The following NUP93 variants were observed in gnomAD, a reference collection of about 807,000 sequenced individuals.
The protein encoded by NUP93 is nucleoporin 93.
In NUP93, 55 loss-of-function variants were observed where a neutral mutation model predicts 107.8. The ratio of observed to expected loss-of-function variants is 0.51; its 90% CI spans 0.41 to 0.64. The LOEUF (loss-of-function observed/expected upper bound fraction) is 0.64, where lower values mean the gene tolerates loss of function less well. Among genes scored for constraint, NUP93 ranks in the 30% least tolerant of loss-of-function variants. The pLI is 0.00. For synonymous variants in NUP93, 390 were observed against 397.5 expected, an observed-to-expected ratio of 0.98 and a Z score of 0.22; for missense variants, 937 against 1,044.7, an observed-to-expected ratio of 0.90 and a Z score of 1.42.
At chr16:56,837,499 A>G in intron 17 of NUP93, 109 bp from the exon 18 acceptor site, 1 of 861,988 alleles carries the variant, frequency 1.2e-6, no homozygotes, top group Non-Finnish European at 1.8e-6. Flanking sequence ...GGAGGCGGTA[A>G]AAAATGTCAC....
At chr16:56,809,995 G>A (rs1243734891) in intron 5 of NUP93, among the ~76,000 whole-genome samples, 1 of 152,138 alleles carries the variant, frequency 6.6e-6, no homozygotes. Flanking sequence ...TTTTAAAATG[G>A]TGTTAATAGG....
intron 5 of NUP93, among the ~76,000 whole-genome samples, chr16:56,817,284 C>G (rs967361401): frequency 1.3e-3 from 199 of 152,228 alleles, no homozygotes; most frequent in African/African-American, 4.7e-3. Context: ...CTTGACACTC[C>G]AGTGTTCATT....
intron 2 of NUP93, among the ~76,000 whole-genome samples, chr16:56,751,701 T>C (rs932950432): frequency 6.6e-6 from 1 of 152,160 alleles, no homozygotes; most frequent in African/African-American, 2.4e-5. Flanking sequence ...AGGTGAGACT[T>C]GAACCCAGGC....
At chr16:56,818,180 C>G (rs1404747230) in intron 5 of NUP93, among the ~76,000 whole-genome samples, 2 of 152,172 alleles carry the variant, frequency 1.3e-5, no homozygotes, top group Admixed American at 6.5e-5. Context: ...AAGTAATCAG[C>G]AGCTGTTGTC....
intron 3 of NUP93, among the ~76,000 whole-genome samples, chr16:56,763,497 T>G (rs1175038861): frequency 2.0e-5 from 3 of 147,760 alleles, no homozygotes; most frequent in African/African-American, 7.4e-5. Context: ...TGTGTGTGTG[T>G]GGGTGGGTGT....
rs1250242548 is a variant in NUP93, at chr16:56,818,556, A to T, written c.490-108A>T. The T allele has an allele frequency of 2.2e-5, 19 of 881,166 alleles. No individual in the cohort carries two copies. The Admixed American group carries it at 3.4e-4, about 16-fold the overall frequency. The allele number at this position is 881,166 out of a possible 1,614,324, so 54.6% of individuals were successfully genotyped here. A position where few individuals can be genotyped will look rare whatever the true frequency, so the allele number is the denominator to read the frequency against. ...TGAGGAATTCTTAACTAGGAAACAGACTTTTCACAGCTCTGTTAAAGACAA... is the reference window on the plus strand; with the variant it reads ...TGAGGAATTCTTAACTAGGAAACAGTCTTTTCACAGCTCTGTTAAAGACAA... On this transcript the variant is annotated intron_variant, in intron 5 of 21. Transcript: ENST00000308159.
intron 6 of NUP93, among the ~76,000 whole-genome samples, chr16:56,819,842 C>T (rs541318652): frequency 2.7e-4 from 41 of 152,290 alleles, no homozygotes; most frequent in Admixed American, 1.3e-4. Flanking sequence ...GGTGCCATTG[C>T]CACGTCAGAC....
intron 1 of NUP93, among the ~76,000 whole-genome samples, chr16:56,743,791 C>T (rs1186908029): frequency 6.6e-6 from 1 of 152,200 alleles, no homozygotes; most frequent in African/African-American, 2.4e-5. Flanking sequence ...TGCCTTCTAA[C>T]AGCAGTGATA....
At chr16:56,779,523 C>T (rs1189119116) in intron 3 of NUP93, among the ~76,000 whole-genome samples, 6 of 152,180 alleles carry the variant, frequency 3.9e-5, no homozygotes, top group African/African-American at 7.2e-5. Context: ...TAGAGAAGCA[C>T]CTCCTTTGTA....
intron 1 of NUP93, among the ~76,000 whole-genome samples, chr16:56,733,612 G>T (rs1280443435): frequency 6.6e-5 from 10 of 152,122 alleles, no homozygotes; most frequent in Admixed American, 4.6e-4. Context: ...TTTGGGACAT[G>T]TGTAGTTTGA....
At chr16:56,759,927 G>A (rs756641244) in intron 3 of NUP93, among the ~76,000 whole-genome samples, 5 of 152,044 alleles carry the variant, frequency 3.3e-5, no homozygotes, top group Non-Finnish European at 7.4e-5. Flanking sequence ...TCTTGGAGTA[G>A]GTATTTGGAA....
intron 5 of NUP93, among the ~76,000 whole-genome samples, chr16:56,809,173 C>T (rs1261811644): frequency 2.6e-5 from 4 of 152,060 alleles, no homozygotes; most frequent in African/African-American, 7.3e-5. Context: ...GTGATTTTTG[C>T]CTTTGTGCCA....
intron 2 of NUP93, among the ~76,000 whole-genome samples, chr16:56,756,170 A>C (rs1417392340): frequency 6.6e-6 from 1 of 151,832 alleles, no homozygotes; most frequent in Non-Finnish European, 1.5e-5. Context: ...ATACATGTGC[A>C]GAATGTCCGG....
chr16:56,756,230 A>G (rs1258733872), intron 2 of NUP93, among the ~76,000 whole-genome samples: 1 of 149,462 alleles, frequency 6.7e-6, no homozygotes, highest in African/African-American at 2.5e-5. Flanking sequence ...ACACTTATCA[A>G]CCTGTCATCT....
At chr16:56,808,701 A>AAAATACATATATTTATAAATATAT (rs1252212741) in intron 5 of NUP93, among the ~76,000 whole-genome samples, 22 of 41,620 alleles carry the variant, frequency 5.3e-4, no homozygotes, top group East Asian at 3.0e-3. Context: ...ATAAATATAT[A>AAAATACATATATTTATAAATATAT]AAAATACATA....
chr16:56,841,243 A>G (rs1033767959), intron 20 of NUP93, among the ~76,000 whole-genome samples: 15 of 151,754 alleles, frequency 9.9e-5, no homozygotes, highest in Admixed American at 6.6e-4. Context: ...CCTTATAGAC[A>G]CTCCCAAGGA....
At chr16:56,817,111 T>G (rs2144601108) in intron 5 of NUP93, among the ~76,000 whole-genome samples, 1 of 152,274 alleles carries the variant, frequency 6.6e-6, no homozygotes, top group Admixed American at 6.5e-5. Flanking sequence ...AGTGAACTGT[T>G]TAAGCTCTTT....
At chr16:56,783,449 G>C (rs1567386683) in intron 3 of NUP93, 1 of 984,624 alleles carries the variant, frequency 1.0e-6, no homozygotes, top group South Asian at 4.7e-5. Context: ...CTCTGACCCA[G>C]TGCAGCATTG....
intron 4 of NUP93, 138 bp from the exon 5 acceptor site, chr16:56,805,366 A>G: frequency 1.1e-6 from 1 of 900,972 alleles, no homozygotes; most frequent in Non-Finnish European, 1.6e-6. Context: ...CTTCAAAGAT[A>G]ATTTTTAAAG....
Sources: allele counts gnomAD v4.1 joint callset (sites outside exome capture counted in the v4.1 genomes callset), GRCh38; gene constraint gnomAD v4.1.1; transcripts MANE v1.5; gene names NCBI Gene and HGNC (gene_info 2026-07-23, HGNC 2026-07-21).